BST1: variants seen among roughly 807,000 people sequenced by gnomAD.
The protein encoded by BST1 is ADP-ribosyl cyclase/cyclic ADP-ribose hydrolase 2.
BST1 carries 49 observed loss-of-function variants against 40.6 expected under a neutral mutation model. The observed-to-expected ratio is 1.21, with a 90% confidence interval of 0.96 to 1.53. BST1 has a LOEUF of 1.53. Among genes scored for constraint, BST1 ranks in the 40% most tolerant of loss-of-function variants. The pLI is 0.00. For synonymous variants in BST1, 157 were observed against 159.3 expected (o/e 0.99, Z 0.11); for missense variants, 423 against 395.9 (o/e 1.07, Z -0.58).
rs527914293 is a variant in BST1 at position 15,732,224 on chromosome 4, T to C, written c.*379T>C. ...GCACGGACACTGCATGCTTGTTGAT[T>C]GCTTAAGACATATGTATACTATATA... is the stretch of plus-strand genomic sequence containing the variant. On this transcript the variant is annotated 3_prime_UTR_variant, in exon 9 of 9. Coordinates refer to ENST00000265016, the MANE Select transcript of BST1 (RefSeq NM_004334.3). 1.4e-5 allele frequency: 9 copies of C among 663,104 alleles called. No homozygotes were observed. In the South Asian group the frequency reaches 4.2e-4, roughly 31 times the overall value. The allele number at this position is 663,104 out of a possible 1,614,324, so 41.1% of individuals were successfully genotyped here.
the BST1 span, among the ~76,000 whole-genome samples, chr4:15,764,794 T>C: frequency 1.3e-5 from 2 of 151,874 alleles, no homozygotes; most frequent in African/African-American, 4.9e-5. Flanking sequence ...CTCCAGTCCC[T>C]GGCCACAGTG....
At chr4:15,741,119 TACTC>T (rs1054020714), downstream of BST1, among the ~76,000 whole-genome samples, 2 of 149,576 alleles carry the variant, frequency 1.3e-5, no homozygotes, top group African/African-American at 5.0e-5. Flanking sequence ...ATTTGGCCGT[TACTC>T]ACTCCTCCTC....
downstream of BST1, among the ~76,000 whole-genome samples, chr4:15,735,796 C>A (rs1405688951): frequency 6.6e-6 from 1 of 152,158 alleles, no homozygotes; most frequent in Non-Finnish European, 1.5e-5. Flanking sequence ...GGCGACTTAG[C>A]CACTCACAGC....
rs1171563507 is a variant in BST1, at chr4:15,703,341, G to A, written c.188+9G>A. 1.3e-6 allele frequency: 2 copies of A among 1,491,556 alleles called. No homozygotes were observed. Among genetic ancestry groups the A allele is most frequent in the African/African-American group, 2.9e-5 (2 of 68,890 alleles). 92.4% of individuals were successfully genotyped at this position (1,491,556 alleles called of 1,614,324 possible). ...CTGAGTCCCGAGCAGCGGTGAGGCA[G>A]TCGGCCGGGTGGAAGGGGAGCCGGA... On this transcript the variant is annotated intron_variant, in intron 1 of 8. Coordinates refer to ENST00000265016, the MANE Select transcript of BST1 (RefSeq NM_004334.3).
In BST1 at chr4:15,722,935, G is replaced by A. The variant is rs74977563; in HGVS notation, c.851+1G>A. Reference sequence around the variant, plus strand: ...CCCATCCTGACTGTGCCTTAAAGTCGTAAGTAAATGTCTTAACCCAAATCG... The same window carrying A: ...CCCATCCTGACTGTGCCTTAAAGTCATAAGTAAATGTCTTAACCCAAATCG... On this transcript the variant is annotated splice_donor_variant, in intron 8 of 8. Transcript: ENST00000265016. LOFTEE classifies it high-confidence loss of function. 510 of 1,613,210 alleles carry A rather than the reference G, an allele frequency of 3.2e-4. 7 individuals carry two copies. In the East Asian group the frequency reaches 0.011, roughly 34 times the overall value.
chr4:15,707,878 C>CAT (rs5856312), intron 3 of BST1, among the ~76,000 whole-genome samples: 65,253 of 135,946 alleles, frequency 0.48, 16,045 homozygotes, highest in African/African-American at 0.6. Flanking sequence ...TATATATACA[C>CAT]ATATATATAC....
intron 4 of BST1, among the ~76,000 whole-genome samples, chr4:15,713,663 A>G (rs1341618463): frequency 2.6e-5 from 4 of 151,992 alleles, no homozygotes; most frequent in African/African-American, 9.7e-5. Context: ...TTCAACCACG[A>G]CGTTATACAG....
At chr4:15,769,874 C>T in the BST1 span, among the ~76,000 whole-genome samples, 2 of 152,130 alleles carry the variant, frequency 1.3e-5, no homozygotes, top group Admixed American at 6.5e-5. Context: ...CAATCTCCCT[C>T]TGTCGCCCAG....
At chr4:15,773,059 C>A in the BST1 span, among the ~76,000 whole-genome samples, 91 of 152,242 alleles carry the variant, frequency 6.0e-4, 1 homozygote, top group African/African-American at 2.1e-3. Context: ...GTGGTATAGA[C>A]AATACATGGA....
At chr4:15,754,036 C>A in the BST1 span, among the ~76,000 whole-genome samples, 1 of 152,118 alleles carries the variant, frequency 6.6e-6, no homozygotes, top group Non-Finnish European at 1.5e-5. Context: ...GGATCCAGGG[C>A]AGAGAGCCAA....
intron 8 of BST1, among the ~76,000 whole-genome samples, chr4:15,728,159 G>A (rs986845049): frequency 3.9e-5 from 6 of 152,068 alleles, no homozygotes; most frequent in Non-Finnish European, 8.8e-5. Context: ...TTAGCTGGAA[G>A]GCTCTATCCT....
intron 4 of BST1, 99 bp from the exon 5 acceptor site, chr4:15,715,186 T>G: frequency 1.9e-6 from 2 of 1,075,896 alleles, no homozygotes; most frequent in Non-Finnish European, 2.8e-6. Context: ...TATCATATCC[T>G]TGCCATTATT....
the BST1 span, among the ~76,000 whole-genome samples, chr4:15,761,444 C>A: frequency 6.6e-6 from 1 of 151,812 alleles, no homozygotes; most frequent in African/African-American, 2.4e-5. Context: ...TACATGTATA[C>A]CATAATACAG....
At chr4:15,711,553 C>A (rs547656391) in intron 3 of BST1, among the ~76,000 whole-genome samples, 4 of 152,270 alleles carry the variant, frequency 2.6e-5, no homozygotes, top group African/African-American at 7.2e-5. Context: ...CACTCACTAG[C>A]CAGCTATTTA....
At chr4:15,769,403 A>C in the BST1 span, among the ~76,000 whole-genome samples, 3 of 152,202 alleles carry the variant, frequency 2.0e-5, no homozygotes, top group African/African-American at 7.2e-5. Context: ...CTGCCCTTCT[A>C]GTGGGGGAAC....
chr4:15,725,671 C>A (rs1721056026), intron 8 of BST1, among the ~76,000 whole-genome samples: 1 of 152,190 alleles, frequency 6.6e-6, no homozygotes, highest in Non-Finnish European at 1.5e-5. Context: ...TGATCCACTT[C>A]CCATAAGATA....
the BST1 span, among the ~76,000 whole-genome samples, chr4:15,744,431 C>T: frequency 1.3e-5 from 2 of 152,134 alleles, no homozygotes; most frequent in African/African-American, 2.4e-5. Context: ...ACTTATAAAA[C>T]CATCAGATCT....
chr4:15,759,132 T>G, the BST1 span, among the ~76,000 whole-genome samples: 2 of 151,954 alleles, frequency 1.3e-5, no homozygotes, highest in Admixed American at 1.3e-4. Context: ...TATCTCCTGG[T>G]GTATATTACA....
chr4:15,740,533 A>G (rs370318460), downstream of BST1, among the ~76,000 whole-genome samples: 23 of 152,210 alleles, frequency 1.5e-4, no homozygotes, highest in East Asian at 2.1e-3. Context: ...ATGAGAGGTG[A>G]AGGTGTGAGG....
Sources: allele counts gnomAD v4.1 joint callset (sites outside exome capture counted in the v4.1 genomes callset), GRCh38; gene constraint gnomAD v4.1.1; transcripts MANE v1.5; gene names NCBI Gene and HGNC (gene_info 2026-07-23, HGNC 2026-07-21).